Variants in KLHL29 observed in about 807,000 individuals in gnomAD.
KLHL29 encodes kelch like family member 29.
In KLHL29, 21 loss-of-function variants were observed where a neutral mutation model predicts 80.4. That is an observed-to-expected ratio of 0.26 (90% CI 0.19 to 0.38). KLHL29 has a LOEUF of 0.38. Among genes scored for constraint, KLHL29 ranks in the 10% least tolerant of loss-of-function variants. The probability of loss-of-function intolerance (pLI) is 1.00; values close to 1 mark genes in which losing one functional copy is unlikely to be tolerated. For missense variants in KLHL29, 867 were observed against 1,223.9 expected (o/e 0.71, Z 4.35); for synonymous variants, 511 against 526.8 (o/e 0.97, Z 0.41).
At position 23,700,929 on chromosome 2, in the gene KLHL29, C is replaced by T. The variant is rs1672326276; in HGVS notation, c.2106-2257C>T. Among the ~76,000 whole-genome samples, 1 of 152,148 alleles carries T rather than the reference C, an allele frequency of 6.6e-6. No homozygotes were observed. The highest frequency in any genetic ancestry group is 1.9e-4 in the East Asian group (1 of 5,198). On this transcript the variant is annotated intron_variant, in intron 11 of 13. Transcript: ENST00000486442. This position sits in a 1 kb window ranked among gnomAD's most constrained non-coding sequence, Gnocchi z 4.6. Reference sequence around the variant, plus strand: ...AAAGACTACATTTCCCCAGTTTGTCCTCAGCCCCCATGCACTTCACATCTC... The same window carrying T: ...AAAGACTACATTTCCCCAGTTTGTCTTCAGCCCCCATGCACTTCACATCTC...
chr2:23,660,513 G>A (rs1377334730), intron 5 of KLHL29, among the ~76,000 whole-genome samples: 1 of 152,246 alleles, frequency 6.6e-6, no homozygotes, highest in Non-Finnish European at 1.5e-5. Context: ...AGAGAGGCCT[G>A]AGGAGGCAGG....
chr2:23,497,573 G>A (rs898590089), intron 2 of KLHL29, among the ~76,000 whole-genome samples: 42 of 152,214 alleles, frequency 2.8e-4, no homozygotes, highest in African/African-American at 1.0e-3. Context: ...CAGAGAGGCA[G>A]GGCCAAGCCT....
At chr2:23,508,162 G>A (rs920262655) in intron 2 of KLHL29, among the ~76,000 whole-genome samples, 10 of 152,204 alleles carry the variant, frequency 6.6e-5, no homozygotes, top group African/African-American at 2.4e-4. Flanking sequence ...GTGGCTCAAC[G>A]CTGTTCCAGT....
Position 23,562,248 on chromosome 2 carries a change from C to T in KLHL29, c.52C>T (p.Arg18Cys), listed in dbSNP as rs771088004. 41 of 1,550,334 alleles carry T rather than the reference C, an allele frequency of 2.6e-5. No homozygotes were observed. The Admixed American group carries it at 4.5e-4, about 17-fold the overall frequency. ...FERDYRVGWD[R>C]REWSVNGTHG... ...AAGAGATTACCGGGTGGGCTGGGAC[C>T]GCCGCGAATGGAGCGTCAACGGGAC... The change falls in exon 3 of 14, where the codon CGC (arginine) becomes TGC (cysteine). Residue 18 changes from arginine (R) to cysteine (C), a missense_variant. By Grantham distance (180) the Arg-to-Cys change is radical. Around this residue, in one of 2 missense-constraint regions of KLHL29, gnomAD observed 424 missense variants for 456.9 expected, o/e 0.93. Coordinates refer to ENST00000486442, the MANE Select transcript of KLHL29 (RefSeq NM_052920.2). This position sits in a 1 kb window ranked among gnomAD's most constrained non-coding sequence, Gnocchi z 4.5.
rs1667490302 is a variant in KLHL29, at chr2:23,562,990, C to A, written c.285+509C>A. On this transcript the variant is annotated intron_variant, in intron 3 of 13. Coordinates refer to ENST00000486442, the MANE Select transcript of KLHL29 (RefSeq NM_052920.2). This position sits in a 1 kb window ranked among gnomAD's most constrained non-coding sequence, Gnocchi z 4.5. ...TTGCCACAGCACGGTGAGGTCAGTACTTTTATCATCCCTGCCTTACAGTTG... is the reference window on the plus strand; with the variant it reads ...TTGCCACAGCACGGTGAGGTCAGTAATTTTATCATCCCTGCCTTACAGTTG... 1.3e-5 allele frequency among the ~76,000 whole-genome samples: 2 copies of A among 152,190 alleles called. No homozygotes were observed. Among genetic ancestry groups the A allele is most frequent in the Non-Finnish European group, 2.9e-5 (2 of 68,034 alleles).
chr2:23,473,516 C>G (rs1405424345), intron 1 of KLHL29, among the ~76,000 whole-genome samples: 1 of 152,070 alleles, frequency 6.6e-6, no homozygotes, highest in Admixed American at 6.6e-5. Flanking sequence ...TCAGTTGTCT[C>G]CCCTAGAGGT....
chr2:23,588,957 G>A (rs750817880), intron 3 of KLHL29, among the ~76,000 whole-genome samples: 12 of 152,180 alleles, frequency 7.9e-5, no homozygotes, highest in African/African-American at 2.2e-4. Context: ...CGGGCCTCCC[G>A]GCCACATCCT....
intron 1 of KLHL29, among the ~76,000 whole-genome samples, chr2:23,440,915 G>A (rs1478080749): frequency 6.6e-6 from 1 of 152,240 alleles, no homozygotes; most frequent in South Asian, 2.1e-4. Flanking sequence ...GTGGAAGTCA[G>A]TGTGGCAATT....
At chr2:23,701,340 C>T (rs1672353205) in intron 11 of KLHL29, among the ~76,000 whole-genome samples, 1 of 152,240 alleles carries the variant, frequency 6.6e-6, no homozygotes, top group South Asian at 2.1e-4. Context: ...CTGACCTCTT[C>T]ATTCCAGGAC....
In KLHL29 at chr2:23,684,393, C is replaced by G. The variant is rs1671177787; in HGVS notation, c.941-6C>G. The G allele has an allele frequency of 2.6e-6, 4 of 1,516,738 alleles. No individual in the cohort carries two copies. Among genetic ancestry groups the G allele is most frequent in the Non-Finnish European group, 3.5e-6 (4 of 1,131,226 alleles). The allele number at this position is 1,516,738 out of a possible 1,614,324, so 94.0% of individuals were successfully genotyped here. A position where few individuals can be genotyped will look rare whatever the true frequency, so the allele number is the denominator to read the frequency against. On this transcript the variant is annotated splice_polypyrimidine_tract_variant and splice_region_variant and intron_variant, in intron 5 of 13. Transcript: ENST00000486442. This position sits in a 1 kb window ranked among gnomAD's most constrained non-coding sequence, Gnocchi z 4.4. The stretch of plus-strand genomic sequence containing the variant: ...CCTGGCCCTGTCTGTCTTCTCTGTT[C>G]TGCAGAAATGTTGAAGGAATTGAAC...
intron 2 of KLHL29, among the ~76,000 whole-genome samples, chr2:23,496,758 G>A (rs1191057864): frequency 6.6e-6 from 1 of 150,916 alleles, no homozygotes; most frequent in Non-Finnish European, 1.5e-5. Flanking sequence ...GGCAATGCTT[G>A]GGGGAAAGTT....
At chr2:23,434,523 G>A (rs1439576021) in intron 1 of KLHL29, among the ~76,000 whole-genome samples, 1 of 152,098 alleles carries the variant, frequency 6.6e-6, no homozygotes, top group African/African-American at 2.4e-5. Context: ...GTCAATTACA[G>A]TTCCATCGTG....
chr2:23,691,963 G>C lies in KLHL29; in HGVS notation c.1282+87G>C, dbSNP rs1572508982. On this transcript the variant is annotated intron_variant, in intron 7 of 13. Transcript: ENST00000486442. ...TAAACAGCAAGGACTGAGCGGGGAG[G>C]TCTGTGTGTGCACACCTGAAGCTCC... is the stretch of plus-strand genomic sequence containing the variant. 4 of 1,333,618 alleles carry C rather than the reference G, an allele frequency of 3.0e-6. No individual in the cohort carries two copies. In the East Asian group the frequency reaches 7.5e-5, roughly 25 times the overall value. 82.6% of individuals were successfully genotyped at this position (1,333,618 alleles called of 1,614,324 possible).
intron 5 of KLHL29, among the ~76,000 whole-genome samples, chr2:23,675,807 G>C (rs1190732016): frequency 6.6e-6 from 1 of 152,230 alleles, no homozygotes; most frequent in Non-Finnish European, 1.5e-5. Context: ...CCTGAAGTTA[G>C]AGGGGCTTGA....
chr2:23,640,940 T>G (rs1351170777), intron 4 of KLHL29, among the ~76,000 whole-genome samples: 8 of 152,122 alleles, frequency 5.3e-5, no homozygotes. Flanking sequence ...CTCGGCGCCA[T>G]TTTCTTTCTG....
intron 1 of KLHL29, among the ~76,000 whole-genome samples, chr2:23,395,194 C>A (rs1005540571): frequency 6.6e-6 from 1 of 152,166 alleles, no homozygotes; most frequent in Non-Finnish European, 1.5e-5. Context: ...GTGGTCCAGT[C>A]CAGGAATTTC....
chr2:23,607,763 A>G (rs1668763697), intron 3 of KLHL29, among the ~76,000 whole-genome samples: 2 of 152,154 alleles, frequency 1.3e-5, no homozygotes, highest in Non-Finnish European at 1.5e-5. Context: ...TCCTTATGAG[A>G]ATCTAATACC....
chr2:23,701,845 G>T (rs1232416835), intron 11 of KLHL29, among the ~76,000 whole-genome samples: 3 of 137,670 alleles, frequency 2.2e-5, no homozygotes, highest in African/African-American at 8.2e-5. Context: ...TCGTTGCCCA[G>T]GCTGGAGTGC....
chr2:23,640,637 T>G (rs1265077090), intron 4 of KLHL29, among the ~76,000 whole-genome samples: 1 of 152,230 alleles, frequency 6.6e-6, no homozygotes, highest in Non-Finnish European at 1.5e-5. Context: ...TTATGTTTGT[T>G]GGCTTCCAGT....
Sources: gnomAD v4.1 joint callset for allele counts (sites outside exome capture counted in the v4.1 genomes callset) on GRCh38, gnomAD v4.1.1 for gene constraint, gnomAD v4.1.1 regional missense constraint, Gnocchi (gnomAD v3.1) non-coding constraint, MANE v1.5 for transcripts, NCBI Gene and HGNC (gene_info 2026-07-23, HGNC 2026-07-21) for gene names.